Variants in PRKN observed in about 807,000 individuals in gnomAD.
PRKN encodes the protein E3 ubiquitin-protein ligase parkin.
PRKN carries 56 observed loss-of-function variants against 59.5 expected under a neutral mutation model. The ratio of observed to expected loss-of-function variants is 0.94; its 90% CI spans 0.76 to 1.18. The LOEUF is 1.18. Among genes scored for constraint, PRKN ranks in the 50% most tolerant of loss-of-function variants. PRKN has a pLI of 0.00. For synonymous variants in PRKN, 250 were observed against 222.1 expected (o/e 1.13, Z -1.12); for missense variants, 657 against 596.4 (o/e 1.10, Z -1.06).
At chr6:161,728,482 G>A (rs140704007) in intron 7 of PRKN, among the ~76,000 whole-genome samples, 294 of 152,200 alleles carry the variant, frequency 1.9e-3, no homozygotes, top group African/African-American at 5.9e-3. Flanking sequence ...GCTTGTCACC[G>A]CCCCCCACCT....
intron 5 of PRKN, among the ~76,000 whole-genome samples, chr6:161,981,255 C>T (rs79894051): frequency 0.055 from 8,327 of 152,252 alleles, 337 homozygotes; most frequent in Middle Eastern, 0.1. Flanking sequence ...CAGAAACTGT[C>T]CAGGCTAGAA....
intron 4 of PRKN, among the ~76,000 whole-genome samples, chr6:162,085,791 C>T (rs542856389): frequency 1.3e-5 from 2 of 152,212 alleles, no homozygotes; most frequent in African/African-American, 4.8e-5. Context: ...CTCACCACCA[C>T]CCACTGCAGT....
chr6:161,590,387 C>T (rs909210312), intron 7 of PRKN, among the ~76,000 whole-genome samples: 5 of 151,944 alleles, frequency 3.3e-5, no homozygotes, highest in Non-Finnish European at 7.4e-5. Context: ...CAGTTGAGGT[C>T]GGGAGTTCGT....
chr6:161,896,592 G>A (rs1284053201), intron 6 of PRKN, among the ~76,000 whole-genome samples: 2 of 152,166 alleles, frequency 1.3e-5, no homozygotes, highest in East Asian at 3.9e-4. Context: ...TAAGGCAATA[G>A]ATAAGGAAAA....
At chr6:161,818,651 G>A (rs1791891745) in intron 6 of PRKN, among the ~76,000 whole-genome samples, 1 of 152,038 alleles carries the variant, frequency 6.6e-6, no homozygotes, top group Non-Finnish European at 1.5e-5. Flanking sequence ...CTTTCAAACA[G>A]AATTTAGCAA....
intron 4 of PRKN, among the ~76,000 whole-genome samples, chr6:162,179,550 G>T (rs1229188701): frequency 6.6e-6 from 1 of 152,150 alleles, no homozygotes; most frequent in Non-Finnish European, 1.5e-5. Context: ...GAAAAATGTG[G>T]GTAACTGAGT....
Position 161,480,012 on chromosome 6 carries a change from G to A in PRKN, c.1083+68842C>T, listed in dbSNP as rs1254186655. Among the ~76,000 whole-genome samples, 1 of 152,204 alleles carries A rather than the reference G, an allele frequency of 6.6e-6. No homozygotes were observed. The highest frequency in any genetic ancestry group is 1.5e-5 in the Non-Finnish European group (1 of 68,036). ...CACAATTCCTTGCTCCCTTCCCTCT[G>A]GTGCGGGATCATGGAAGCCCAGGTG... On this transcript the variant is annotated intron_variant, in intron 9 of 11. Transcript: ENST00000366898. The surrounding 1 kb of genome is among the most constrained non-coding windows in gnomAD (Gnocchi z 4.1).
chr6:161,437,572 C>A (rs1014613329), intron 9 of PRKN, among the ~76,000 whole-genome samples: 4 of 152,138 alleles, frequency 2.6e-5, no homozygotes, highest in African/African-American at 4.8e-5. Context: ...GGAGCCTGGG[C>A]TAGGCTGGTT....
At position 161,552,096 on chromosome 6, in the gene PRKN, T is replaced by G. The variant is rs1780040472; in HGVS notation, c.934-3093A>C. 1.3e-5 allele frequency among the ~76,000 whole-genome samples: 2 copies of G among 152,190 alleles called. No homozygotes were observed. The highest frequency in any genetic ancestry group is 4.8e-5 in the African/African-American group (2 of 41,452). On this transcript the variant is annotated intron_variant, in intron 8 of 11. Coordinates refer to ENST00000366898, the MANE Select transcript of PRKN (RefSeq NM_004562.3). The surrounding 1 kb of genome is among the most constrained non-coding windows in gnomAD (Gnocchi z 4.9). ...CTGCTGGGCGGCACCCAGGCCCTCC[T>G]GAGGTCAGAGATGATGAATTTAAAG...
intron 1 of PRKN, among the ~76,000 whole-genome samples, chr6:162,662,969 A>C (rs572592278): frequency 6.6e-6 from 1 of 152,268 alleles, no homozygotes; most frequent in Non-Finnish European, 1.5e-5. Context: ...AAAGGTGTGA[A>C]GGAACCAAGA....
intron 2 of PRKN, among the ~76,000 whole-genome samples, chr6:162,338,882 T>C (rs1783984342): frequency 7.0e-6 from 1 of 142,188 alleles, no homozygotes; most frequent in Non-Finnish European, 1.5e-5. Flanking sequence ...GTCTGAGATG[T>C]GGGGAGCGCC....
intron 1 of PRKN, among the ~76,000 whole-genome samples, chr6:162,518,471 T>C (rs1161902226): frequency 6.6e-6 from 1 of 152,180 alleles, no homozygotes; most frequent in East Asian, 1.9e-4. Flanking sequence ...GTTCAAGTGA[T>C]TCTCGTGCCT....
chr6:162,153,063 C>T (rs2000750), intron 4 of PRKN, among the ~76,000 whole-genome samples: 148,467 of 152,324 alleles, frequency 0.97, 72,433 homozygotes, highest in Non-Finnish European at 1. Flanking sequence ...GCTTTTAAAA[C>T]GTTAATATGA....
At chr6:162,196,279 A>T (rs1784494462) in intron 4 of PRKN, among the ~76,000 whole-genome samples, 1 of 152,200 alleles carries the variant, frequency 6.6e-6, no homozygotes, top group Non-Finnish European at 1.5e-5. Flanking sequence ...CCCAGTCAAA[A>T]TAATTAAAAA....
chr6:162,573,657 G>A (rs1244422489), intron 1 of PRKN, among the ~76,000 whole-genome samples: 1 of 152,020 alleles, frequency 6.6e-6, no homozygotes, highest in Non-Finnish European at 1.5e-5. Context: ...ACATCCTCTG[G>A]TCTACCAATG....
At chr6:161,807,744 C>T (rs1178977093) in intron 6 of PRKN, among the ~76,000 whole-genome samples, 4 of 152,184 alleles carry the variant, frequency 2.6e-5, no homozygotes, top group South Asian at 2.1e-4. Context: ...CCTTGTCTCT[C>T]GTCCTATAAG....
intron 1 of PRKN, among the ~76,000 whole-genome samples, chr6:162,604,881 CATGTT>C (rs1436645977): frequency 6.6e-6 from 1 of 152,120 alleles, no homozygotes; most frequent in Admixed American, 6.6e-5. Flanking sequence ...CTTTCACACT[CATGTT>C]ATGCTCAGTT....
intron 4 of PRKN, among the ~76,000 whole-genome samples, chr6:162,188,987 C>T (rs181370252): frequency 1.1e-4 from 16 of 151,692 alleles, no homozygotes; most frequent in African/African-American, 1.5e-4. Context: ...TGAGATTAGA[C>T]GACTGCAAAG....
At position 162,214,800 on chromosome 6, in the gene PRKN, T is replaced by C. The variant is rs115497966; in HGVS notation, c.413-13548A>G. Among the ~76,000 whole-genome samples the C allele has an allele frequency of 4.7e-3, 721 of 152,346 alleles. 8 individuals are homozygous for C. The highest frequency in any genetic ancestry group is 0.017 in the African/African-American group (699 of 41,588). ...GGTATCTTATGATGTCCCTCATTCA[T>C]TAAAAGATTAAATAAAAATTTTTAC... On this transcript the variant is annotated intron_variant, in intron 3 of 11. Transcript: ENST00000366898.
Sources: gnomAD v4.1 joint callset for allele counts (sites outside exome capture counted in the v4.1 genomes callset) on GRCh38, gnomAD v4.1.1 for gene constraint, Gnocchi (gnomAD v3.1) non-coding constraint, MANE v1.5 for transcripts, NCBI Gene and HGNC (gene_info 2026-07-23, HGNC 2026-07-21) for gene names.